CSTPP1: variants seen among roughly 807,000 people sequenced by gnomAD.
The protein encoded by CSTPP1 is centriolar satellite-associated tubulin polyglutamylase complex regulator 1.
At chr11:47,150,883 G>GTT in the CSTPP1 span, among the ~76,000 whole-genome samples, 7 of 60,534 alleles carry the variant, frequency 1.2e-4, no homozygotes, top group Non-Finnish European at 1.4e-4. Context: ...GACTGTGAAG[G>GTT]TTTTTTTTTT....
chr11:47,155,479 G>C, the CSTPP1 span: 1 of 592,122 alleles, frequency 1.7e-6, no homozygotes, highest in Middle Eastern at 4.5e-4. Flanking sequence ...TGAAGACACT[G>C]AACACCGCAG....
At chr11:47,157,343 G>GT in the CSTPP1 span, 5 of 1,092,926 alleles carry the variant, frequency 4.6e-6, no homozygotes, top group Non-Finnish European at 6.3e-6. Flanking sequence ...TGGTCATAAT[G>GT]TAACAGTGCC....
the CSTPP1 span, among the ~76,000 whole-genome samples, chr11:47,013,261 G>A: frequency 6.7e-6 from 1 of 150,240 alleles, no homozygotes; most frequent in African/African-American, 2.5e-5. Flanking sequence ...TTTGTTTTAA[G>A]TTCCAGGGTA....
chr11:47,003,910 GGAT>G, the CSTPP1 span, among the ~76,000 whole-genome samples: 1 of 152,086 alleles, frequency 6.6e-6, no homozygotes, highest in South Asian at 2.1e-4. Context: ...TTATTGCTAG[GGAT>G]GATAATACCT....
At chr11:47,138,625 T>C in the CSTPP1 span, among the ~76,000 whole-genome samples, 1 of 152,220 alleles carries the variant, frequency 6.6e-6, no homozygotes, top group Non-Finnish European at 1.5e-5. Context: ...TCATTCACAA[T>C]TTTTAACCAC....
chr11:46,977,651 T>G, the CSTPP1 span, among the ~76,000 whole-genome samples: 2 of 152,244 alleles, frequency 1.3e-5, no homozygotes, highest in African/African-American at 4.8e-5. Context: ...TACTGAGGAC[T>G]GCTTCCTGTG....
the CSTPP1 span, among the ~76,000 whole-genome samples, chr11:47,140,066 C>T: frequency 6.6e-5 from 10 of 152,186 alleles, no homozygotes; most frequent in Admixed American, 1.3e-4. Context: ...ACCAGCCTCA[C>T]GGTGGGGCAC....
At chr11:47,113,370 T>C in the CSTPP1 span, among the ~76,000 whole-genome samples, 1 of 152,210 alleles carries the variant, frequency 6.6e-6, no homozygotes, top group African/African-American at 2.4e-5. Context: ...ATGGGATGGC[T>C]GGGATGGCTG....
the CSTPP1 span, chr11:47,164,326 GC>G: frequency 1.4e-6 from 2 of 1,449,934 alleles, no homozygotes; most frequent in South Asian, 2.8e-5. Flanking sequence ...AGGGAGCCAG[GC>G]CCTGCAGGGG....
At chr11:46,980,077 CAAAA>C in the CSTPP1 span, among the ~76,000 whole-genome samples, 1 of 151,356 alleles carries the variant, frequency 6.6e-6, no homozygotes, top group African/African-American at 2.4e-5. Context: ...AACAAACAAA[CAAAA>C]AAACAAAAAA....
the CSTPP1 span, among the ~76,000 whole-genome samples, chr11:47,078,471 A>T: frequency 6.6e-6 from 1 of 152,216 alleles, no homozygotes; most frequent in Non-Finnish European, 1.5e-5. Flanking sequence ...TTAAGACACC[A>T]CTTAGACATG....
At chr11:46,991,408 G>T in the CSTPP1 span, 1 of 152,136 alleles carries the variant, frequency 6.6e-6, no homozygotes, top group Non-Finnish European at 1.5e-5. Context: ...GAGTAAAGTT[G>T]TTCCTTTCAC....
the CSTPP1 span, among the ~76,000 whole-genome samples, chr11:46,961,789 G>A: frequency 7.2e-5 from 11 of 151,988 alleles, no homozygotes; most frequent in Non-Finnish European, 1.2e-4. Flanking sequence ...GTATCCAGTT[G>A]TCCCAGCACC....
At chr11:46,944,347 C>G in the CSTPP1 span, among the ~76,000 whole-genome samples, 1 of 151,846 alleles carries the variant, frequency 6.6e-6, no homozygotes, top group African/African-American at 2.4e-5. Flanking sequence ...TTGTGCTTGC[C>G]TCATACATGT....
At chr11:47,062,085 CCCTT>C in the CSTPP1 span, among the ~76,000 whole-genome samples, 1 of 152,182 alleles carries the variant, frequency 6.6e-6, no homozygotes, top group South Asian at 2.1e-4. Flanking sequence ...CTCTGTGACT[CCCTT>C]CCTTATCTGA....
chr11:47,031,198 C>A, the CSTPP1 span, among the ~76,000 whole-genome samples: 1 of 152,120 alleles, frequency 6.6e-6, no homozygotes, highest in Admixed American at 6.6e-5. Context: ...GAATTTGTAT[C>A]TAGTTTTTCA....
At chr11:47,014,294 G>A in the CSTPP1 span, among the ~76,000 whole-genome samples, 90 of 145,058 alleles carry the variant, frequency 6.2e-4, no homozygotes, top group African/African-American at 2.2e-3. Context: ...AAGGAGGGAG[G>A]AAGAAAGAGA....
the CSTPP1 span, among the ~76,000 whole-genome samples, chr11:47,106,642 C>CA: frequency 0.058 from 7,717 of 133,524 alleles, 405 homozygotes; most frequent in African/African-American, 0.15. Flanking sequence ...GACCCTATCT[C>CA]AAAAAAAAAA....
At chr11:46,943,777 C>G in the CSTPP1 span, among the ~76,000 whole-genome samples, 1 of 152,060 alleles carries the variant, frequency 6.6e-6, no homozygotes, top group Admixed American at 6.6e-5. Context: ...ATTCCCAGCA[C>G]TGTGGGAGGC....
Sources: gnomAD v4.1 joint callset for allele counts (sites outside exome capture counted in the v4.1 genomes callset) on GRCh38, gnomAD v4.1.1 for gene constraint, MANE v1.5 for transcripts, NCBI Gene and HGNC (gene_info 2026-07-23, HGNC 2026-07-21) for gene names.